EVA1A: variants seen among roughly 807,000 people sequenced by gnomAD.
EVA1A encodes eva-1 homolog A, regulator of programmed cell death.
A neutral mutation model predicts 9.8 loss-of-function variants in EVA1A; 7 were observed. The ratio of observed to expected loss-of-function variants is 0.71; its 90% CI spans 0.41 to 1.34. The LOEUF is 1.34. Ranked by LOEUF, EVA1A falls within the 40% of genes most tolerant of loss-of-function variation. The pLI, the probability that EVA1A is intolerant of heterozygous loss-of-function variation, is 0.01. For missense variants in EVA1A, 206 were observed against 205.9 expected, an observed-to-expected ratio of 1.00 and a Z score of 0.00; for synonymous variants, 90 against 85.6, an observed-to-expected ratio of 1.05 and a Z score of -0.28.
intron 3 of EVA1A, among the ~76,000 whole-genome samples, chr2:75,499,166 C>T (rs1417328505): frequency 2.0e-5 from 3 of 152,292 alleles, no homozygotes; most frequent in African/African-American, 7.2e-5. Flanking sequence ...CTTGGCCTCC[C>T]TGGATTGGGT....
chr2:75,518,223 A>C lies in EVA1A; in HGVS notation c.-68-15T>G. The C allele has an allele frequency of 2.6e-6, 4 of 1,559,970 alleles. No individual in the cohort carries two copies. The highest frequency in any genetic ancestry group is 3.5e-6 in the Non-Finnish European group (4 of 1,155,712). ...CTTCTTCTCTTCTGTTTGGGAACATAAAGTGAGTGATAAGAAACATTCTGC... is the reference window on the plus strand; with the variant it reads ...CTTCTTCTCTTCTGTTTGGGAACATCAAGTGAGTGATAAGAAACATTCTGC... On this transcript the variant is annotated splice_polypyrimidine_tract_variant and intron_variant, in intron 2 of 3. Coordinates refer to ENST00000393913, the MANE Select transcript of EVA1A (RefSeq NM_001135032.2).
rs751386318 is a variant in EVA1A, at chr2:75,546,907, C to CAA, written c.-192+13771_-192+13772dup. ...ACACAGAAGACAGCCATCAATAGGC[C>CAA]AAAAAAAAAAAAAAAAAAAACACCT... On this transcript the variant is annotated intron_variant, in intron 1 of 3. Transcript: ENST00000393913. Among the ~76,000 whole-genome samples, 597 of 66,708 alleles carry CAA rather than the reference C, an allele frequency of 8.9e-3. 12 individuals carry two copies. The highest frequency in any genetic ancestry group is 0.025 in the African/African-American group (489 of 19,944). The allele number at this position is 66,708 out of a possible 152,430, so 43.8% of individuals were successfully genotyped here.
chr2:75,512,306 C>A (rs558269498), intron 3 of EVA1A, among the ~76,000 whole-genome samples: 26 of 152,130 alleles, frequency 1.7e-4, no homozygotes, highest in African/African-American at 6.3e-4. Context: ...AAAAAGAAAT[C>A]TTAAGTCCTC....
chr2:75,544,646 C>T (rs1411975847), intron 1 of EVA1A, among the ~76,000 whole-genome samples: 2 of 152,042 alleles, frequency 1.3e-5, no homozygotes, highest in Admixed American at 1.3e-4. Context: ...ACATAATTAA[C>T]CTCTCATGAT....
intron 1 of EVA1A, among the ~76,000 whole-genome samples, chr2:75,537,108 C>T (rs1418715777): frequency 1.3e-5 from 2 of 151,714 alleles, no homozygotes; most frequent in Admixed American, 6.6e-5. Context: ...GATTTTTTTT[C>T]GTAATGACTT....
chr2:75,548,983 A>AAAAAATATAT (rs377340236), intron 1 of EVA1A, among the ~76,000 whole-genome samples: 9 of 133,686 alleles, frequency 6.7e-5, no homozygotes, highest in African/African-American at 2.6e-4. Context: ...CTAAATGAAA[A>AAAAAATATAT]ATATATATAT....
At chr2:75,515,571 T>C (rs1280603275) in intron 3 of EVA1A, among the ~76,000 whole-genome samples, 1 of 152,206 alleles carries the variant, frequency 6.6e-6, no homozygotes, top group Non-Finnish European at 1.5e-5. Flanking sequence ...AGTCCCCTTC[T>C]TTTTACATAA....
intron 3 of EVA1A, among the ~76,000 whole-genome samples, chr2:75,506,015 T>C (rs1674608775): frequency 6.6e-6 from 1 of 152,212 alleles, no homozygotes; most frequent in South Asian, 2.1e-4. Flanking sequence ...TTCCTCTGCA[T>C]ATACTGTACA....
intron 1 of EVA1A, among the ~76,000 whole-genome samples, chr2:75,544,257 C>A (rs186220825): frequency 6.6e-6 from 1 of 152,188 alleles, no homozygotes; most frequent in Non-Finnish European, 1.5e-5. Context: ...GGCCCCCTAG[C>A]GCCATGCTCA....
intron 3 of EVA1A, among the ~76,000 whole-genome samples, chr2:75,517,422 C>A (rs1044875085): frequency 2.0e-5 from 3 of 152,136 alleles, no homozygotes; most frequent in African/African-American, 7.2e-5. Context: ...TCATTCAAAC[C>A]AGTGAGCATT....
chr2:75,544,286 C>T (rs1208765930), intron 1 of EVA1A, among the ~76,000 whole-genome samples: 2 of 152,198 alleles, frequency 1.3e-5, no homozygotes, highest in Non-Finnish European at 2.9e-5. Flanking sequence ...CCAGGAAGGG[C>T]TCAGGGACTT....
intron 1 of EVA1A, among the ~76,000 whole-genome samples, chr2:75,524,974 G>C (rs1329222722): frequency 6.6e-6 from 1 of 152,010 alleles, no homozygotes; most frequent in Non-Finnish European, 1.5e-5. Context: ...ACATATATAT[G>C]TATAATTCTC....
intron 1 of EVA1A, among the ~76,000 whole-genome samples, chr2:75,555,301 A>ATCTCTCTCTTTC (rs1553421939): frequency 1.7e-5 from 1 of 57,154 alleles, no homozygotes; most frequent in East Asian, 4.7e-4. Flanking sequence ...TCAAAACTCA[A>ATCTCTCTCTTTC]TCTCTCTCTC....
intron 3 of EVA1A, among the ~76,000 whole-genome samples, chr2:75,513,700 G>A (rs1025124095): frequency 9.9e-5 from 15 of 152,004 alleles, no homozygotes; most frequent in South Asian, 4.2e-4. Context: ...AATATTATTC[G>A]GCCTTAACAA....
At chr2:75,563,531 G>A (rs7589791), upstream of EVA1A, among the ~76,000 whole-genome samples, 26,527 of 152,168 alleles carry the variant, frequency 0.17, 2,875 homozygotes, top group East Asian at 0.29. Context: ...CATAGATACC[G>A]AACTCTACGC....
chr2:75,517,856 C>T (rs2103844678), intron 3 of EVA1A, 200 bp downstream of exon 3: 1 of 745,366 alleles, frequency 1.3e-6, no homozygotes, highest in Non-Finnish European at 2.4e-6. Context: ...TCTTAGAACC[C>T]TTCATTTTTC....
chr2:75,546,757 G>T (rs1676343099), intron 1 of EVA1A, among the ~76,000 whole-genome samples: 1 of 152,170 alleles, frequency 6.6e-6, no homozygotes, highest in South Asian at 2.1e-4. Flanking sequence ...TGGAAATAGG[G>T]TCTTTACAGA....
intron 3 of EVA1A, among the ~76,000 whole-genome samples, chr2:75,512,474 A>C (rs1038787054): frequency 1.3e-5 from 2 of 152,162 alleles, no homozygotes; most frequent in Admixed American, 1.3e-4. Context: ...ACTAAAAGGG[A>C]GAATTCTTGG....
At chr2:75,512,104 TAAAG>T (rs1674840106) in intron 3 of EVA1A, among the ~76,000 whole-genome samples, 1 of 152,092 alleles carries the variant, frequency 6.6e-6, no homozygotes, top group African/African-American at 2.4e-5. Context: ...AAAAAAAACT[TAAAG>T]GAAATAGAAG....
Sources: allele counts gnomAD v4.1 joint callset (sites outside exome capture counted in the v4.1 genomes callset), GRCh38; gene constraint gnomAD v4.1.1; transcripts MANE v1.5; gene names NCBI Gene and HGNC (gene_info 2026-07-23, HGNC 2026-07-21).